The following PDXK variants were observed in gnomAD, a reference collection of about 807,000 sequenced individuals.
PDXK encodes pyridoxal kinase.
In PDXK, 15 loss-of-function variants were observed where a neutral mutation model predicts 43.2. That is an observed-to-expected ratio of 0.35 (90% CI 0.23 to 0.53). PDXK has a LOEUF of 0.53. PDXK is among the 20% of genes least tolerant of loss of function. The pLI, the probability that PDXK is intolerant of heterozygous loss-of-function variation, is 0.92. For synonymous variants in PDXK, 172 were observed against 165.4 expected (o/e 1.04, Z -0.31); for missense variants, 343 against 417.0 (o/e 0.82, Z 1.54).
At chr21:43,750,783 G>GAT (rs142693057) in intron 7 of PDXK, among the ~76,000 whole-genome samples, 1 of 140,730 alleles carries the variant, frequency 7.1e-6, no homozygotes, top group African/African-American at 2.6e-5. Context: ...ATTGTGTGTG[G>GAT]GTGTGTGTGT....
In PDXK at chr21:43,741,794, G is replaced by A. The variant is rs111328849; in HGVS notation, c.247+23G>A. On this transcript the variant is annotated intron_variant, in intron 3 of 10. Transcript: ENST00000291565. ...CAGGTAGGTGCCGGAGCAAGCTGCC[G>A]CAGGGGACTACGCACCCCACTCCAG... 1,419 of 1,490,474 alleles carry A rather than the reference G, an allele frequency of 9.5e-4. 11 individuals carry two copies. The African/African-American group carries it at 0.017, about 17-fold the overall frequency. The allele number at this position is 1,490,474 out of a possible 1,614,324, so 92.3% of individuals were successfully genotyped here.
At position 43,737,969 on chromosome 21, in the gene PDXK, C is replaced by T. The variant is rs953670307; in HGVS notation, c.143-3698C>T. 1.0e-6 allele frequency: 1 copy of T among 985,498 alleles called. No individual in the cohort carries two copies. Among genetic ancestry groups the T allele is most frequent in the Non-Finnish European group, 1.2e-6 (1 of 829,948 alleles). The allele number at this position is 985,498 out of a possible 1,614,324, so 61.0% of individuals were successfully genotyped here. On this transcript the variant is annotated intron_variant, in intron 2 of 10. Transcript: ENST00000291565. This position sits in a 1 kb window ranked among gnomAD's most constrained non-coding sequence, Gnocchi z 4.8. ...GGCCACCAAGAGGTGCAAGACCATG[C>T]CCTCTGTTTCGATAGGAAGCTGGGC...
intron 7 of PDXK, among the ~76,000 whole-genome samples, chr21:43,750,914 GTGTGCATGTGTGTGCGTA>G (rs1568991107): frequency 3.0e-5 from 2 of 65,742 alleles, no homozygotes; most frequent in Non-Finnish European, 3.3e-5. Flanking sequence ...GTGCACGCAT[GTGTGCATGTGTGTGCGTA>G]TGTGTGCACG....
intron 1 of PDXK, among the ~76,000 whole-genome samples, chr21:43,731,159 ACT>A (rs758615728): frequency 2.0e-5 from 3 of 152,062 alleles, no homozygotes; most frequent in Admixed American, 6.5e-5. Context: ...TTTAATAATG[ACT>A]CTACGTAAAA....
chr21:43,759,859 A>C lies in PDXK; in HGVS notation c.*3796A>C, dbSNP rs896504747. The C allele has an allele frequency of 3.3e-5, 5 of 152,086 alleles. No individual in the cohort carries two copies. Among genetic ancestry groups the C allele is most frequent in the Non-Finnish European group, 5.9e-5 (4 of 68,024 alleles). The allele number at this position is 152,086 out of a possible 1,614,324, so 9.4% of individuals were successfully genotyped here. The stretch of plus-strand genomic sequence containing the variant: ...CGGCTCCCGTGTCCGTCCACCGAGC[A>C]CTCAGATGGATGCTGATCACCAGGG... On this transcript the variant is annotated 3_prime_UTR_variant, in exon 11 of 11. Transcript: ENST00000291565.
Position 43,719,380 on chromosome 21 carries a change from A to G in PDXK, c.86A>G (p.Gln29Arg). Residue 29 changes from glutamine (Q) to arginine (R), a missense_variant and splice_region_variant, in exon 1 of 11, where the codon CAG (glutamine) becomes CGG (arginine). Physicochemically the swap from Gln to Arg is conservative, Grantham distance 43. Coordinates refer to ENST00000291565, the MANE Select transcript of PDXK (RefSeq NM_003681.5). ...VGNRAATFPLQVLGFEIDAVN... is the reference protein window; with the variant it reads ...VGNRAATFPLRVLGFEIDAVN... ...AACCGGGCGGCCACGTTCCCGCTGCAGGTACGCATCCGCCCGCAGCCCGGG... is the reference window on the plus strand; with the variant it reads ...AACCGGGCGGCCACGTTCCCGCTGCGGGTACGCATCCGCCCGCAGCCCGGG... 1 of 1,522,114 alleles carries G rather than the reference A, an allele frequency of 6.6e-7. No homozygotes were observed. 94.3% of individuals were successfully genotyped at this position (1,522,114 alleles called of 1,614,324 possible).
Position 43,727,632 on chromosome 21 carries a change from C to T in PDXK, c.88-6437C>T, listed in dbSNP as rs376742524. ...CTAAACGAGGAAGCTGTGCAGTGCA[C>T]ACAGGTTTGGCTGACCCCAAGGGCC... On this transcript the variant is annotated intron_variant, in intron 1 of 10. Coordinates refer to ENST00000291565, the MANE Select transcript of PDXK (RefSeq NM_003681.5). Among the ~76,000 whole-genome samples, 36 of 152,294 alleles carry T rather than the reference C, an allele frequency of 2.4e-4. No homozygotes were observed. The East Asian group carries it at 2.5e-3, about 11-fold the overall frequency.
chr21:43,743,583 T>G, intron 3 of PDXK, 141 bp from the exon 4 acceptor site: 1 of 368,424 alleles, frequency 2.7e-6, no homozygotes. Context: ...CCCTGAGCAC[T>G]GTGGGGACAC....
At position 43,760,611 on chromosome 21, in the gene PDXK, C is replaced by G. The variant is rs925439423; in HGVS notation, c.*4548C>G. ...CGTCCATCCCCCCCGGTAGGATGGA[C>G]GTGAGCCATCCTTCTAGGGGACTTT... On this transcript the variant is annotated 3_prime_UTR_variant, in exon 11 of 11. Coordinates refer to ENST00000291565, the MANE Select transcript of PDXK (RefSeq NM_003681.5). 6.6e-6 allele frequency: 1 copy of G among 152,244 alleles called. No homozygotes were observed. Among genetic ancestry groups the G allele is most frequent in the Non-Finnish European group, 1.5e-5 (1 of 68,052 alleles). 9.4% of individuals were successfully genotyped at this position (152,244 alleles called of 1,614,324 possible).
At position 43,743,063 on chromosome 21, in the gene PDXK, C is replaced by A. The variant is rs2083565547; in HGVS notation, c.248-661C>A. On this transcript the variant is annotated intron_variant, in intron 3 of 10. Transcript: ENST00000291565. ...CTCGTTTGCACCCACCTCCCTCCCC[C>A]CAGCTCCTGAGCACTGTGGGGACAC... 4.0e-5 allele frequency among the ~76,000 whole-genome samples: 6 copies of A among 151,470 alleles called. No individual in the cohort carries two copies. In the South Asian group the frequency reaches 1.3e-3, roughly 32 times the overall value.
chr21:43,756,189 G>A lies in PDXK; in HGVS notation c.*126G>A, dbSNP rs570009707. ...ATATTTTTTTCTTTCATGAGTGTCCGGCATCTGCTGGTCTTCATTGTGAAA... is the reference window on the plus strand; with the variant it reads ...ATATTTTTTTCTTTCATGAGTGTCCAGCATCTGCTGGTCTTCATTGTGAAA... On this transcript the variant is annotated 3_prime_UTR_variant, in exon 11 of 11. Transcript: ENST00000291565. The A allele has an allele frequency of 1.5e-5, 9 of 595,506 alleles. No individual in the cohort carries two copies. The highest frequency in any genetic ancestry group is 8.6e-5 in the East Asian group (3 of 34,958). The allele number at this position is 595,506 out of a possible 1,614,324, so 36.9% of individuals were successfully genotyped here.
rs539650966 is a variant in PDXK, at chr21:43,734,160, C to CTGTGGGTGTGAGGGACGGGGCGGAG, written c.142+84_142+108dup. ...GCTCCAGCAGCTGGCATAGAGCAGA[C>CTGTGGGTGTGAGGGACGGGGCGGAG]TGTGGGTGTGAGGGACGGGGCGGAG... On this transcript the variant is annotated intron_variant, in intron 2 of 10. Transcript: ENST00000291565. The surrounding 1 kb of genome is among the most constrained non-coding windows in gnomAD (Gnocchi z 5.0). 5.0e-6 allele frequency: 8 copies of CTGTGGGTGTGAGGGACGGGGCGGAG among 1,589,246 alleles called. No individual in the cohort carries two copies. Among genetic ancestry groups the CTGTGGGTGTGAGGGACGGGGCGGAG allele is most frequent in the South Asian group, 3.3e-5 (3 of 90,644 alleles).
chr21:43,752,390 G>A, intron 7 of PDXK, 128 bp from the exon 8 acceptor site: 1 of 655,452 alleles, frequency 1.5e-6, no homozygotes, highest in South Asian at 1.8e-5. Flanking sequence ...CTCTGGGGGA[G>A]TGGGGTGTGA....
intron 3 of PDXK, among the ~76,000 whole-genome samples, chr21:43,742,562 C>A (rs1338174456): frequency 6.6e-6 from 1 of 152,192 alleles, no homozygotes. Flanking sequence ...CCACTGCGCC[C>A]AGCCTCTCTA....
At chr21:43,727,753 G>C (rs1186858394) in intron 1 of PDXK, among the ~76,000 whole-genome samples, 1 of 152,210 alleles carries the variant, frequency 6.6e-6, no homozygotes, top group Non-Finnish European at 1.5e-5. Flanking sequence ...CAGCATCCAG[G>C]AGGAGGGTGC....
intron 7 of PDXK, among the ~76,000 whole-genome samples, chr21:43,751,173 G>A (rs2083744970): frequency 1.3e-5 from 2 of 152,338 alleles, no homozygotes; most frequent in South Asian, 4.1e-4. Context: ...TGCGTGTCTT[G>A]CTAGCATTGA....
At chr21:43,748,849 A>G (rs1349292957) in intron 5 of PDXK, 146 bp from the exon 6 acceptor site, 1 of 622,562 alleles carries the variant, frequency 1.6e-6, no homozygotes, top group Non-Finnish European at 2.9e-6. Flanking sequence ...GGAACAACTT[A>G]TCGCTACAGT....
intron 8 of PDXK, 36 bp downstream of exon 8, chr21:43,752,665 C>G: frequency 7.9e-7 from 1 of 1,261,726 alleles, no homozygotes; most frequent in Non-Finnish European, 1.2e-6. Flanking sequence ...GCCGCCTCTG[C>G]TCTTCCCAGA....
rs2083849203 is a variant in PDXK, at chr21:43,756,247, G to A, written c.*184G>A. 2.0e-6 allele frequency: 1 copy of A among 505,456 alleles called. No homozygotes were observed. Among genetic ancestry groups the A allele is most frequent in the South Asian group, 2.6e-5 (1 of 37,832 alleles). The allele number at this position is 505,456 out of a possible 1,614,324, so 31.3% of individuals were successfully genotyped here. A position where few individuals can be genotyped will look rare whatever the true frequency, so the allele number is the denominator to read the frequency against. The stretch of plus-strand genomic sequence containing the variant: ...GTCGTGCTTTGTGAAAAATAACAAA[G>A]TGGTCACAGAAATTTGTGATCTGAA... On this transcript the variant is annotated 3_prime_UTR_variant, in exon 11 of 11. Transcript: ENST00000291565.
Sources: gnomAD v4.1 joint callset for allele counts (sites outside exome capture counted in the v4.1 genomes callset) on GRCh38, gnomAD v4.1.1 for gene constraint, Gnocchi (gnomAD v3.1) non-coding constraint, MANE v1.5 for transcripts, NCBI Gene and HGNC (gene_info 2026-07-23, HGNC 2026-07-21) for gene names.